Variants in AHCYL2 observed in about 807,000 individuals in gnomAD.
The protein encoded by AHCYL2 is S-adenosylhomocysteine hydrolase-like protein 2.
Under a neutral mutation model 81.4 loss-of-function variants are expected in AHCYL2, and 28 were observed. The observed-to-expected ratio is 0.34, with a 90% CI of 0.25 to 0.47. AHCYL2 has a LOEUF of 0.47. Among genes scored for constraint, AHCYL2 ranks in the 20% least tolerant of loss-of-function variants. AHCYL2 has a pLI of 1.00. For missense variants in AHCYL2, 551 were observed against 785.1 expected, an observed-to-expected ratio of 0.70 and a Z score of 3.56; for synonymous variants, 272 against 290.2, an observed-to-expected ratio of 0.94 and a Z score of 0.64.
intron 1 of AHCYL2, among the ~76,000 whole-genome samples, chr7:129,366,994 G>T (rs369341905): frequency 2.0e-5 from 3 of 152,150 alleles, no homozygotes; most frequent in African/African-American, 4.8e-5. Context: ...CAGGGAGGGG[G>T]CTTCCAGGTC....
intron 1 of AHCYL2, among the ~76,000 whole-genome samples, chr7:129,340,214 G>A (rs1397213500): frequency 6.8e-6 from 1 of 148,084 alleles, no homozygotes; most frequent in Non-Finnish European, 1.5e-5. Context: ...GAGCCACCGC[G>A]CCTGGCCCCT....
chr7:129,287,293 C>T (rs913346807), intron 1 of AHCYL2, among the ~76,000 whole-genome samples: 4 of 152,298 alleles, frequency 2.6e-5, no homozygotes, highest in African/African-American at 7.2e-5. Context: ...AGTTTCTGGA[C>T]CATATTTTGA....
intron 2 of AHCYL2, among the ~76,000 whole-genome samples, chr7:129,384,823 GA>G (rs898996529): frequency 4.6e-5 from 7 of 152,190 alleles, no homozygotes; most frequent in Non-Finnish European, 1.0e-4. Flanking sequence ...ATGCGTAGGA[GA>G]GAAGTTAATT....
intron 11 of AHCYL2, among the ~76,000 whole-genome samples, chr7:129,411,534 T>G (rs1584899769): frequency 6.6e-6 from 1 of 151,944 alleles, no homozygotes; most frequent in Admixed American, 6.6e-5. Context: ...CCAAGATGGG[T>G]GGACCACCTG....
intron 1 of AHCYL2, among the ~76,000 whole-genome samples, chr7:129,263,105 A>G (rs759621493): frequency 2.6e-5 from 4 of 152,254 alleles, no homozygotes; most frequent in Admixed American, 6.5e-5. Flanking sequence ...TCCTTATGAC[A>G]TACTATATAA....
At chr7:129,286,308 T>C (rs1178309228) in intron 1 of AHCYL2, among the ~76,000 whole-genome samples, 1 of 152,160 alleles carries the variant, frequency 6.6e-6, no homozygotes, top group Non-Finnish European at 1.5e-5. Context: ...TGGAGTGCAG[T>C]GGCGCAATCT....
At chr7:129,242,631 CAT>C (rs1180808157) in intron 1 of AHCYL2, among the ~76,000 whole-genome samples, 1 of 151,322 alleles carries the variant, frequency 6.6e-6, no homozygotes, top group Non-Finnish European at 1.5e-5. Flanking sequence ...GCAGGAGAAT[CAT>C]GTGAACCCAG....
Position 129,400,335 on chromosome 7 carries a change from G to T in AHCYL2, c.869G>T (p.Trp290Leu). The T allele has an allele frequency of 6.2e-7, 1 of 1,613,512 alleles. No homozygotes were observed. Among genetic ancestry groups the T allele is most frequent in the Non-Finnish European group, 8.5e-7 (1 of 1,179,664 alleles). The change falls in exon 6 of 17, where the codon TGG (tryptophan) becomes TTG (leucine). Residue 290 changes from tryptophan (W) to leucine (L), a missense_variant. Transcript: ENST00000325006. ...AWKGESEDDF[W>L]WCIDRCVNVE... is the part of the protein sequence containing the mutation. ...AAGGGAGAGTCAGAAGATGACTTTT[G>T]GTGGTGTATCGATAGATGTGTGAAT...
intron 1 of AHCYL2, chr7:129,351,454 C>G (rs1022492634): frequency 9.2e-5 from 14 of 152,264 alleles, no homozygotes; most frequent in African/African-American, 3.1e-4. Flanking sequence ...AAACCCCACT[C>G]TACACTCAAG....
chr7:129,374,820 A>G (rs1794596414), intron 1 of AHCYL2, among the ~76,000 whole-genome samples: 1 of 151,822 alleles, frequency 6.6e-6, no homozygotes, highest in Admixed American at 6.6e-5. Flanking sequence ...AAAAAAAAAA[A>G]AAAAATCTGC....
chr7:129,399,918 G>A (rs1055544462), intron 5 of AHCYL2, among the ~76,000 whole-genome samples: 5 of 152,004 alleles, frequency 3.3e-5, no homozygotes, highest in Non-Finnish European at 2.9e-5. Flanking sequence ...GTAGAAACAG[G>A]TTTCATCATG....
intron 2 of AHCYL2, among the ~76,000 whole-genome samples, chr7:129,382,599 T>A (rs1795011686): frequency 6.6e-6 from 1 of 151,578 alleles, no homozygotes; most frequent in African/African-American, 2.4e-5. Context: ...GACTTTTTTT[T>A]ATTTAATAAA....
chr7:129,367,360 C>G (rs1794160866), intron 1 of AHCYL2, among the ~76,000 whole-genome samples: 1 of 152,138 alleles, frequency 6.6e-6, no homozygotes, highest in South Asian at 2.1e-4. Flanking sequence ...ACCTGTGGTA[C>G]TCTTATTGGA....
At chr7:129,256,332 A>G (rs986682644) in intron 1 of AHCYL2, among the ~76,000 whole-genome samples, 6 of 152,202 alleles carry the variant, frequency 3.9e-5, no homozygotes, top group Admixed American at 6.5e-5. Context: ...TCCTCTAGCC[A>G]TCTGATTCCC....
intron 1 of AHCYL2, among the ~76,000 whole-genome samples, chr7:129,262,509 A>C (rs1186514772): frequency 6.6e-6 from 1 of 152,226 alleles, no homozygotes; most frequent in African/African-American, 2.4e-5. Context: ...TAGACTGGCC[A>C]GAACCACTCC....
At chr7:129,227,853 A>G (rs917234629) in intron 1 of AHCYL2, among the ~76,000 whole-genome samples, 1 of 152,228 alleles carries the variant, frequency 6.6e-6, no homozygotes, top group African/African-American at 2.4e-5. Flanking sequence ...CTCTGCTGAA[A>G]GTTAAGCAGG....
chr7:129,314,181 T>G (rs1797756607), intron 1 of AHCYL2, among the ~76,000 whole-genome samples: 1 of 152,214 alleles, frequency 6.6e-6, no homozygotes, highest in Non-Finnish European at 1.5e-5. Flanking sequence ...CCTTCTAGTC[T>G]CATGTGTCAC....
chr7:129,389,197 A>G lies in AHCYL2; in HGVS notation c.617A>G (p.Gln206Arg). 6.2e-7 allele frequency: 1 copy of G among 1,613,926 alleles called. No homozygotes were observed. The highest frequency in any genetic ancestry group is 1.1e-5 in the South Asian group (1 of 91,076). ...CGAAGAGAAATTGAAATTGCTGAAC[A>G]AGGTAAAGAAAACAAGCACCTTTTC... ...FGRREIEIAE[Q>R]EMPALMALRK... Residue 206 changes from glutamine (Q) to arginine (R), a missense_variant and splice_region_variant, in exon 3 of 17, where the codon CAA becomes CGA. This residue lies in a region of AHCYL2 where 316 missense variants were observed against 543.1 expected (regional missense o/e 0.58). Coordinates refer to ENST00000325006, the MANE Select transcript of AHCYL2 (RefSeq NM_015328.4).
intron 1 of AHCYL2, among the ~76,000 whole-genome samples, chr7:129,365,644 A>G (rs1196482465): frequency 1.3e-5 from 2 of 149,286 alleles, no homozygotes; most frequent in Non-Finnish European, 3.0e-5. Context: ...ATATATATAT[A>G]TGGGTATGAA....
Sources: gnomAD v4.1 joint callset for allele counts (sites outside exome capture counted in the v4.1 genomes callset) on GRCh38, gnomAD v4.1.1 for gene constraint, gnomAD v4.1.1 regional missense constraint, MANE v1.5 for transcripts, NCBI Gene and HGNC (gene_info 2026-07-23, HGNC 2026-07-21) for gene names.